The following THOC5 variants were observed in gnomAD, a reference collection of about 807,000 sequenced individuals.
The protein encoded by THOC5 is THO complex subunit 5.
Under a neutral mutation model 92.9 loss-of-function variants are expected in THOC5, and 43 were observed. That is an observed-to-expected ratio of 0.46 (90% CI 0.36 to 0.60). THOC5 has a LOEUF of 0.60. Ranked by LOEUF, THOC5 falls within the 20% of genes least tolerant of loss-of-function variation. The pLI is 0.00. For synonymous variants in THOC5, 296 were observed against 320.1 expected (o/e 0.92, Z 0.80); for missense variants, 659 against 849.4 (o/e 0.78, Z 2.79).
In THOC5 at chr22:29,539,360, C is replaced by T. The variant is rs1045252108; in HGVS notation, c.569G>A (p.Arg190His). 1.9e-6 allele frequency: 3 copies of T among 1,613,960 alleles called. No homozygotes were observed. Among genetic ancestry groups the T allele is most frequent in the Admixed American group, 1.7e-5 (1 of 59,984 alleles). Residue 190 changes from arginine to histidine, a missense_variant, in exon 6 of 20, where the codon CGT (arginine) becomes CAT (histidine). By Grantham distance (29) the Arg-to-His change is conservative. Transcript: ENST00000490103. ...CCGCTGCTCCAGCTCCCAGTCCAGA[C>T]GTGCCAGTGTTTGCTGGTGAGGGTC... ...MGDPHQQTLARLDWELEQRKR... is the reference protein window; with the variant it reads ...MGDPHQQTLAHLDWELEQRKR...
At position 29,529,223 on chromosome 22, in the gene THOC5, C is replaced by T; in HGVS notation, c.864G>A (p.Val288=). ...CTTCATCCACACTGCCTTCGATTGC[C>T]ACAGATAACGTCTTATCTGGGGGGC... The part of the protein sequence containing the change: ...YGQACDKTLS[V]AIEGSVDEAK... Residue 288 remains valine, a synonymous_variant, in exon 9 of 20, where the codon GTG becomes GTA. Coordinates refer to ENST00000490103, the MANE Select transcript of THOC5 (RefSeq NM_003678.5). 6.2e-7 allele frequency: 1 copy of T among 1,614,198 alleles called. No individual in the cohort carries two copies. The highest frequency in any genetic ancestry group is 2.2e-5 in the East Asian group (1 of 44,882).
intron 11 of THOC5, among the ~76,000 whole-genome samples, chr22:29,527,675 T>C (rs904217475): frequency 2.0e-5 from 3 of 152,230 alleles, no homozygotes; most frequent in Admixed American, 2.0e-4. Flanking sequence ...CTTCTACTGC[T>C]AGAACATTTT....
At chr22:29,539,878 C>T (rs188319549) in intron 5 of THOC5, among the ~76,000 whole-genome samples, 14 of 152,268 alleles carry the variant, frequency 9.2e-5, no homozygotes, top group African/African-American at 2.9e-4. Context: ...AAGTTCAAGA[C>T]ATTAGCCGCG....
intron 19 of THOC5, among the ~76,000 whole-genome samples, chr22:29,509,225 G>A (rs1385376862): frequency 1.3e-5 from 2 of 148,270 alleles, no homozygotes; most frequent in East Asian, 2.0e-4. Context: ...GCAGTGAGCC[G>A]AGATCATGCT....
intron 12 of THOC5, among the ~76,000 whole-genome samples, chr22:29,523,266 TAATAA>T (rs1222462627): frequency 6.6e-6 from 1 of 151,280 alleles, no homozygotes; most frequent in African/African-American, 2.4e-5. Flanking sequence ...AATAAATAAA[TAATAA>T]AATAAAAACA....
intron 1 of THOC5, among the ~76,000 whole-genome samples, chr22:29,549,557 A>G (rs751990838): frequency 3.3e-5 from 5 of 152,220 alleles, no homozygotes; most frequent in Non-Finnish European, 5.9e-5. Context: ...CTACTCTAAC[A>G]GTCTTGCCCA....
chr22:29,527,441 A>C (rs952756631), intron 11 of THOC5, among the ~76,000 whole-genome samples: 6 of 152,122 alleles, frequency 3.9e-5, no homozygotes, highest in African/African-American at 7.2e-5. Context: ...AAACAAACAA[A>C]CAACCAGCAA....
At chr22:29,529,349 C>A in intron 8 of THOC5, 110 bp from the exon 9 acceptor site, 1 of 1,177,606 alleles carries the variant, frequency 8.5e-7, no homozygotes, top group Non-Finnish European at 1.2e-6. Context: ...CAGCTCCTTG[C>A]TGACTAAGGG....
Position 29,542,993 on chromosome 22 carries a change from G to C in THOC5, c.355-37C>G, listed in dbSNP as rs774489705. 4.0e-6 allele frequency: 6 copies of C among 1,505,038 alleles called. No homozygotes were observed. In the East Asian group the frequency reaches 9.0e-5, roughly 23 times the overall value. 93.2% of individuals were successfully genotyped at this position (1,505,038 alleles called of 1,614,324 possible). A position where few individuals can be genotyped will look rare whatever the true frequency, so the allele number is the denominator to read the frequency against. On this transcript the variant is annotated intron_variant, in intron 4 of 19. Coordinates refer to ENST00000490103, the MANE Select transcript of THOC5 (RefSeq NM_003678.5). ...ATACGATCAGAAGTGAGCAGGGCAAGTCAGGATGGAGCAGAGGAGAGGGTC... is the reference window on the plus strand; with the variant it reads ...ATACGATCAGAAGTGAGCAGGGCAACTCAGGATGGAGCAGAGGAGAGGGTC...
intron 17 of THOC5, among the ~76,000 whole-genome samples, chr22:29,515,464 T>C (rs2063316496): frequency 6.6e-6 from 1 of 152,156 alleles, no homozygotes; most frequent in Admixed American, 6.6e-5. Context: ...GTTTGCTTTA[T>C]TGTGGTAGTC....
chr22:29,546,219 G>A (rs467555), intron 2 of THOC5, among the ~76,000 whole-genome samples: 121,842 of 151,990 alleles, frequency 0.8, 49,129 homozygotes, highest in African/African-American at 0.88. Flanking sequence ...GGGACCCTGG[G>A]CCTGGCCCAG....
At chr22:29,546,919 C>T (rs539832786) in intron 2 of THOC5, among the ~76,000 whole-genome samples, 1 of 151,720 alleles carries the variant, frequency 6.6e-6, no homozygotes, top group South Asian at 2.1e-4. Context: ...CAGCTCACTG[C>T]AACTTCTGCC....
intron 2 of THOC5, among the ~76,000 whole-genome samples, chr22:29,545,672 G>A (rs1393909466): frequency 6.6e-6 from 1 of 152,222 alleles, no homozygotes; most frequent in African/African-American, 2.4e-5. Context: ...CTCACATCCA[G>A]GTCAAGCTGA....
chr22:29,519,484 C>T lies in THOC5; in HGVS notation c.1375-364G>A, dbSNP rs1030414186. On this transcript the variant is annotated intron_variant, in intron 14 of 19. Transcript: ENST00000490103. ...GAGCAAGGACTCAAGTTGCCTGGGT[C>T]TAAAAGGCTACTAGGCTCAGAGAAA... Among the ~76,000 whole-genome samples the T allele has an allele frequency of 4.8e-4, 73 of 152,178 alleles. 2 individuals are homozygous for T. Among genetic ancestry groups the T allele is most frequent in the Non-Finnish European group, 8.8e-5 (6 of 68,028 alleles).
intron 1 of THOC5, among the ~76,000 whole-genome samples, 162 bp from the exon 2 acceptor site, chr22:29,549,320 C>T (rs2064094240): frequency 6.6e-6 from 1 of 152,152 alleles, no homozygotes; most frequent in African/African-American, 2.4e-5. Context: ...CATCTCTCAG[C>T]CTGTCCAAAA....
chr22:29,541,323 T>C (rs1020940383), intron 5 of THOC5, among the ~76,000 whole-genome samples: 1 of 151,680 alleles, frequency 6.6e-6, no homozygotes, highest in Non-Finnish European at 1.5e-5. Flanking sequence ...TAGCCCAGCA[T>C]GGCAAAACCC....
At chr22:29,510,981 G>T in intron 19 of THOC5, 125 bp downstream of exon 19, 2 of 1,003,522 alleles carry the variant, frequency 2.0e-6, no homozygotes, top group Non-Finnish European at 3.0e-6. Context: ...GTGGACCAGA[G>T]TGATAGGCAT....
Position 29,519,026 on chromosome 22 carries a change from T to C in THOC5, c.1469A>G (p.His490Arg). 6.2e-7 allele frequency: 1 copy of C among 1,607,052 alleles called. No individual in the cohort carries two copies. Among genetic ancestry groups the C allele is most frequent in the Non-Finnish European group, 8.5e-7 (1 of 1,176,614 alleles). The change falls in exon 15 of 20, where the codon CAC becomes CGC. Residue 490 changes from histidine (H) to arginine (R), a missense_variant. Physicochemically the swap from His to Arg is conservative, Grantham distance 29. Coordinates refer to ENST00000490103, the MANE Select transcript of THOC5 (RefSeq NM_003678.5). Reference protein sequence around the residue: ...KTRVQSRLALHKQFASLEHGI... With the variant: ...KTRVQSRLALRKQFASLEHGI... ...CTTACCTAGGGATGCAAACTGTTTG[T>C]GGAGGGCCAGGCGGGACTGCACCCT...
chr22:29,525,391 C>T (rs74793829), intron 12 of THOC5, among the ~76,000 whole-genome samples: 1 of 152,282 alleles, frequency 6.6e-6, no homozygotes, highest in African/African-American at 2.4e-5. Context: ...CAGGGACCCA[C>T]CACAGTCCTC....
Sources: gnomAD v4.1 joint callset for allele counts (sites outside exome capture counted in the v4.1 genomes callset) on GRCh38, gnomAD v4.1.1 for gene constraint, MANE v1.5 for transcripts, NCBI Gene and HGNC (gene_info 2026-07-23, HGNC 2026-07-21) for gene names.